The following PLEKHA5 variants were observed in gnomAD, a reference collection of about 807,000 sequenced individuals.
PLEKHA5 encodes the protein pleckstrin homology domain containing A5.
In PLEKHA5, 55 loss-of-function variants were observed where a neutral mutation model predicts 181.9. That is an observed-to-expected ratio of 0.30 (90% CI 0.24 to 0.38). The LOEUF (loss-of-function observed/expected upper bound fraction) is 0.38, where lower values mean the gene tolerates loss of function less well. PLEKHA5 is among the 10% of genes least tolerant of loss of function. PLEKHA5 has a pLI of 1.00. For missense variants in PLEKHA5, 1,432 were observed against 1,549.5 expected, an observed-to-expected ratio of 0.92 and a Z score of 1.27; for synonymous variants, 535 against 529.4, an observed-to-expected ratio of 1.01 and a Z score of -0.15.
intron 15 of PLEKHA5, among the ~76,000 whole-genome samples, chr12:19,297,295 A>C (rs145976362): frequency 6.7e-4 from 102 of 151,804 alleles, no homozygotes; most frequent in African/African-American, 2.3e-3. Flanking sequence ...GAAGTTTTTC[A>C]TGACAAATCA....
chr12:19,257,406 T>C (rs1403594186), intron 5 of PLEKHA5, 27 bp from the exon 6 acceptor site: 1 of 1,160,840 alleles, frequency 8.6e-7, no homozygotes, highest in Non-Finnish European at 1.3e-6. Flanking sequence ...AATACCACAT[T>C]TTCTGTCATG....
rs368805638 is a variant in PLEKHA5 at position 19,274,712 on chromosome 12, A to G, written c.1042A>G (p.Asn348Asp). 4 of 1,614,136 alleles carry G rather than the reference A, an allele frequency of 2.5e-6. No individual in the cohort carries two copies. Among genetic ancestry groups the G allele is most frequent in the South Asian group, 1.1e-5 (1 of 91,088 alleles). Residue 348 changes from asparagine to aspartate, a missense_variant, in exon 11 of 32, where the codon AAT becomes GAT. Transcript: ENST00000429027. Reference sequence around the variant, plus strand: ...TCAAGATAGACCCTTAACAAAAATTAATAGTGTAAAGCTGAATTCTCTGCC... The same window carrying G: ...TCAAGATAGACCCTTAACAAAAATTGATAGTGTAAAGCTGAATTCTCTGCC... The part of the protein sequence containing the change: ...DGQDRPLTKI[N>D]SVKLNSLPSE...
At chr12:19,207,585 T>C (rs1180658032) in intron 3 of PLEKHA5, 1 of 152,170 alleles carries the variant, frequency 6.6e-6, no homozygotes, top group Admixed American at 6.5e-5. Context: ...AAAATGGGTT[T>C]TGTGGTCAAG....
At chr12:19,326,675 C>G (rs74643159) in intron 20 of PLEKHA5, among the ~76,000 whole-genome samples, 2 of 152,124 alleles carry the variant, frequency 1.3e-5, no homozygotes, top group Non-Finnish European at 2.9e-5. Flanking sequence ...GAGCCCATCA[C>G]CCAGGTACCT....
intron 3 of PLEKHA5, chr12:19,200,642 A>G: frequency 2.6e-5 from 28 of 1,080,596 alleles, no homozygotes; most frequent in Non-Finnish European, 3.0e-5. Flanking sequence ...TTCAATCCAA[A>G]TCTGTCTGTA....
chr12:19,295,714 C>G (rs1163488614), intron 15 of PLEKHA5, among the ~76,000 whole-genome samples: 1 of 152,120 alleles, frequency 6.6e-6, no homozygotes, highest in East Asian at 1.9e-4. Context: ...CTGATTGTAG[C>G]CAAACCATTT....
intron 3 of PLEKHA5, among the ~76,000 whole-genome samples, chr12:19,182,478 G>A (rs946612803): frequency 6.6e-6 from 1 of 152,140 alleles, no homozygotes; most frequent in Non-Finnish European, 1.5e-5. Flanking sequence ...GTGGTTTTAG[G>A]AAAATGTCCA....
intron 3 of PLEKHA5, among the ~76,000 whole-genome samples, chr12:19,234,219 G>C (rs2061059649): frequency 6.6e-6 from 1 of 152,174 alleles, no homozygotes; most frequent in African/African-American, 2.4e-5. Flanking sequence ...CTGTCAGTTT[G>C]TTAAGCCTTT....
intron 3 of PLEKHA5, among the ~76,000 whole-genome samples, chr12:19,231,642 TTCA>T (rs66531533): frequency 0.14 from 11,655 of 84,156 alleles, 697 homozygotes; most frequent in Admixed American, 0.28. Flanking sequence ...TTATTTTATA[TTCA>T]TCATATTTAT....
chr12:19,365,837 GA>G, intron 29 of PLEKHA5, 126 bp from the exon 30 acceptor site: 1 of 612,398 alleles, frequency 1.6e-6, no homozygotes, highest in South Asian at 2.3e-5. Flanking sequence ...TCAAAAGAAA[GA>G]AAAGATTAAT....
intron 15 of PLEKHA5, among the ~76,000 whole-genome samples, chr12:19,300,668 A>G (rs2081231811): frequency 6.6e-6 from 1 of 152,160 alleles, no homozygotes. Flanking sequence ...ATAAATGCCA[A>G]AAACATTTCT....
chr12:19,193,473 A>T (rs2151978989), intron 3 of PLEKHA5, among the ~76,000 whole-genome samples: 1 of 152,268 alleles, frequency 6.6e-6, no homozygotes, highest in Middle Eastern at 3.4e-3. Context: ...TTGGACGTTT[A>T]TTCTGATTTA....
At chr12:19,229,614 T>C (rs1211777505) in intron 3 of PLEKHA5, among the ~76,000 whole-genome samples, 1 of 152,274 alleles carries the variant, frequency 6.6e-6, no homozygotes, top group East Asian at 1.9e-4. Context: ...ATAGAGGCAG[T>C]GCGGACCCAA....
chr12:19,228,701 C>A (rs191892705), intron 3 of PLEKHA5, among the ~76,000 whole-genome samples: 1 of 152,298 alleles, frequency 6.6e-6, no homozygotes, highest in East Asian at 1.9e-4. Context: ...ATCTAATATT[C>A]TCACTTGTAT....
chr12:19,369,739 A>T lies in PLEKHA5; in HGVS notation c.3801A>T (p.Pro1267=), dbSNP rs780551898. 2 of 1,612,998 alleles carry T rather than the reference A, an allele frequency of 1.2e-6. No individual in the cohort carries two copies. Among genetic ancestry groups the T allele is most frequent in the South Asian group, 2.2e-5 (2 of 90,932 alleles). Residue 1267 remains proline, a synonymous_variant, in exon 31 of 32, where the codon CCA becomes CCT. Transcript: ENST00000429027. ...CTGAGTCCTCGGCATCGCCAGTTCC[A>T]TCCACTCAGCCGCAGCTCACAGAAG... ...PSPESSASPV[P]STQPQLTEGS... is the part of the protein sequence containing the mutation.
chr12:19,366,067 G>A lies in PLEKHA5; in HGVS notation c.3712G>A (p.Glu1238Lys), dbSNP rs748156942. 1.5e-4 allele frequency: 236 copies of A among 1,611,950 alleles called. 3 individuals are homozygous for A. The South Asian group carries it at 1.6e-3, about 11-fold the overall frequency. The change falls in exon 30 of 32, where the codon GAA (glutamate) becomes AAA (lysine). Residue 1238 changes from glutamate to lysine, a missense_variant. Around this residue, in one of 2 missense-constraint regions of PLEKHA5, gnomAD observed 1,143 missense variants for 1,168.4 expected, o/e 0.98. Coordinates refer to ENST00000429027, the MANE Select transcript of PLEKHA5 (RefSeq NM_001256470.2). ...DEQEETVISY[E>K]STPEVSRGNQ... Reference sequence around the variant, plus strand: ...ACAGGAAGAAACTGTTATTTCTTACGAATCAACTCCTGAGGTTTCTAGAGG... The same window carrying A: ...ACAGGAAGAAACTGTTATTTCTTACAAATCAACTCCTGAGGTTTCTAGAGG...
chr12:19,215,939 C>A (rs1304814286), intron 3 of PLEKHA5, among the ~76,000 whole-genome samples: 1 of 151,830 alleles, frequency 6.6e-6, no homozygotes, highest in Non-Finnish European at 1.5e-5. Flanking sequence ...TTGTTTTTTT[C>A]TAGAAAACTT....
In PLEKHA5 at chr12:19,250,041, T is replaced by G. The variant is rs536831396; in HGVS notation, c.228-3899T>G. On this transcript the variant is annotated intron_variant, in intron 3 of 31. Transcript: ENST00000429027. ...TAGCAGCACCCTGGCCTCTACCCACTAGACACCAGTAACATTTCCCCAGTT... is the reference window on the plus strand; with the variant it reads ...TAGCAGCACCCTGGCCTCTACCCACGAGACACCAGTAACATTTCCCCAGTT... Among the ~76,000 whole-genome samples the G allele has an allele frequency of 4.6e-5, 7 of 152,270 alleles. No homozygotes were observed. In the South Asian group the frequency reaches 1.5e-3, roughly 32 times the overall value.
At chr12:19,208,181 G>A (rs143993931) in intron 3 of PLEKHA5, among the ~76,000 whole-genome samples, 313 of 152,164 alleles carry the variant, frequency 2.1e-3, no homozygotes, top group South Asian at 3.5e-3. Context: ...GCCTAGATGG[G>A]TGGATCACCT....
Sources: allele counts gnomAD v4.1 joint callset (sites outside exome capture counted in the v4.1 genomes callset), GRCh38; gene constraint gnomAD v4.1.1; regional missense constraint gnomAD v4.1.1; transcripts MANE v1.5; gene names NCBI Gene and HGNC (gene_info 2026-07-23, HGNC 2026-07-21).